Variants in SINHCAF observed in about 807,000 individuals in gnomAD.
The protein encoded by SINHCAF is SIN3-HDAC complex-associated factor.
SINHCAF carries 3 observed loss-of-function variants against 25.8 expected under a neutral mutation model. The observed-to-expected ratio is 0.12, with a 90% confidence interval of 0.05 to 0.30. The LOEUF is 0.30. SINHCAF is among the 10% of genes least tolerant of loss of function. The pLI is 1.00. For synonymous variants in SINHCAF, 70 were observed against 85.5 expected (o/e 0.82, Z 1.00); for missense variants, 121 against 262.3 (o/e 0.46, Z 3.72).
Position 31,287,711 on chromosome 12 carries a change from G to C in SINHCAF, c.429C>G (p.Asp143Glu). ...QSPCYSNQSD[D>E]GSDTEMASGS... ...CAGAAGCCATCTCTGTATCTGAGCC[G>C]TCATCTGACTGGTTACTGTAACAAG... Residue 143 changes from aspartate to glutamate, a missense_variant, in exon 5 of 6, where the codon GAC becomes GAG. By Grantham distance (45) the Asp-to-Glu change is conservative. Transcript: ENST00000337682. The C allele has an allele frequency of 6.2e-7, 1 of 1,610,734 alleles. No homozygotes were observed.
chr12:31,302,807 T>C (rs988936121), intron 1 of SINHCAF: 6 of 390,078 alleles, frequency 1.5e-5, no homozygotes, highest in East Asian at 1.6e-4. Flanking sequence ...GGAAGGATGA[T>C]TGATTCCATC....
rs764376961 is a variant in SINHCAF, at chr12:31,310,532, C to T, written c.-20-12308G>A. 4.8e-4 allele frequency among the ~76,000 whole-genome samples: 73 copies of T among 152,268 alleles called. 1 individual carries two copies. The highest frequency in any genetic ancestry group is 3.5e-3 in the South Asian group (17 of 4,814). Reference sequence around the variant, plus strand: ...AGAAGAGTTCTTAGGACCAAGACTTCCTAGCCTGGGAGTTTTAAGAGGTTA... The same window carrying T: ...AGAAGAGTTCTTAGGACCAAGACTTTCTAGCCTGGGAGTTTTAAGAGGTTA... On this transcript the variant is annotated intron_variant, in intron 1 of 5. Transcript: ENST00000337682.
intron 1 of SINHCAF, among the ~76,000 whole-genome samples, chr12:31,300,387 T>G (rs1368293801): frequency 6.6e-6 from 1 of 152,182 alleles, no homozygotes; most frequent in Admixed American, 6.5e-5. Context: ...CAGAAGGCCT[T>G]CATGCATTTC....
intron 1 of SINHCAF, among the ~76,000 whole-genome samples, chr12:31,318,366 T>G (rs76844182): frequency 0.018 from 2,669 of 152,272 alleles, 51 homozygotes; most frequent in African/African-American, 0.043. Flanking sequence ...CTGTCTAGAA[T>G]AAAACTGAGA....
At chr12:31,312,623 G>A (rs1334809390) in intron 1 of SINHCAF, among the ~76,000 whole-genome samples, 1 of 152,082 alleles carries the variant, frequency 6.6e-6, no homozygotes, top group Non-Finnish European at 1.5e-5. Context: ...GAACTTATTG[G>A]CCATTTAGGT....
chr12:31,291,398 G>A (rs1275747324), intron 4 of SINHCAF, among the ~76,000 whole-genome samples: 1 of 152,208 alleles, frequency 6.6e-6, no homozygotes, highest in African/African-American at 2.4e-5. Flanking sequence ...CTAGTGACAA[G>A]AGCTGATATT....
At chr12:31,289,256 T>C (rs1249483392) in intron 4 of SINHCAF, among the ~76,000 whole-genome samples, 1 of 152,144 alleles carries the variant, frequency 6.6e-6, no homozygotes, top group African/African-American at 2.4e-5. Context: ...TCAAATATAG[T>C]GGCTGAAAAC....
At chr12:31,312,349 A>G (rs1939305496) in intron 1 of SINHCAF, among the ~76,000 whole-genome samples, 1 of 151,690 alleles carries the variant, frequency 6.6e-6, no homozygotes, top group African/African-American at 2.4e-5. Context: ...ACATTGTTTT[A>G]CGTATTTTGT....
chr12:31,285,440 C>CACACACACAT (rs1283336579), intron 5 of SINHCAF, among the ~76,000 whole-genome samples: 1 of 151,564 alleles, frequency 6.6e-6, no homozygotes, highest in East Asian at 1.9e-4. Flanking sequence ...CACACACACA[C>CACACACACAT]ACACACACAC....
At chr12:31,300,903 G>A (rs1170598341) in intron 1 of SINHCAF, among the ~76,000 whole-genome samples, 1 of 152,100 alleles carries the variant, frequency 6.6e-6, no homozygotes, top group Non-Finnish European at 1.5e-5. Flanking sequence ...TTCTCAGCAA[G>A]GACAAAAGAA....
In SINHCAF at chr12:31,299,833, T is replaced by C. The variant is rs917035866; in HGVS notation, c.-20-1609A>G. 4.6e-5 allele frequency among the ~76,000 whole-genome samples: 7 copies of C among 152,286 alleles called. No individual in the cohort carries two copies. The East Asian group carries it at 1.3e-3, about 29-fold the overall frequency. ...GTCCTCACATAAACCAAGATGGCAA[T>C]AGCCTACAACACCCCTAGGCTATAT... On this transcript the variant is annotated intron_variant, in intron 1 of 5. Coordinates refer to ENST00000337682, the MANE Select transcript of SINHCAF (RefSeq NM_001135812.2).
chr12:31,323,697 C>G (rs920741537), intron 1 of SINHCAF, among the ~76,000 whole-genome samples: 1 of 152,150 alleles, frequency 6.6e-6, no homozygotes, highest in African/African-American at 2.4e-5. Flanking sequence ...CCCGCTCCCC[C>G]CACCCCCTAG....
intron 3 of SINHCAF, 44 bp from the exon 4 acceptor site, chr12:31,293,975 AC>A: frequency 1.3e-6 from 2 of 1,513,784 alleles, no homozygotes; most frequent in Non-Finnish European, 1.8e-6. Flanking sequence ...TTAAAATGAC[AC>A]CAGTGTATCC....
At position 31,324,675 on chromosome 12, in the gene SINHCAF, G is replaced by T. The variant is rs1428740128; in HGVS notation, c.-21+1349C>A. On this transcript the variant is annotated intron_variant, in intron 1 of 5. Transcript: ENST00000337682. This position sits in a 1 kb window ranked among gnomAD's most constrained non-coding sequence, Gnocchi z 5.5. ...CCCTTTGTTTTCTGTCCAGCCGGGC[G>T]CTGCCTACGTGCAGCATCAGGGATG... 5 of 318,390 alleles carry T rather than the reference G, an allele frequency of 1.6e-5. No homozygotes were observed. The Admixed American group carries it at 2.3e-4, about 15-fold the overall frequency. 19.7% of individuals were successfully genotyped at this position (318,390 alleles called of 1,614,324 possible).
chr12:31,310,320 G>A (rs1318700323), intron 1 of SINHCAF, among the ~76,000 whole-genome samples: 1 of 152,158 alleles, frequency 6.6e-6, no homozygotes. Flanking sequence ...TGATACAGGA[G>A]CTCCTGTGCC....
chr12:31,308,964 C>A (rs1166665497), intron 1 of SINHCAF, among the ~76,000 whole-genome samples: 1 of 151,620 alleles, frequency 6.6e-6, no homozygotes, highest in Non-Finnish European at 1.5e-5. Context: ...CCCGTCTCTA[C>A]TAAAAATACA....
intron 1 of SINHCAF, among the ~76,000 whole-genome samples, chr12:31,317,065 A>G (rs1939522690): frequency 6.6e-6 from 1 of 152,194 alleles, no homozygotes; most frequent in African/African-American, 2.4e-5. Context: ...TATATTCAGA[A>G]GTAAAGCGTT....
intron 1 of SINHCAF, among the ~76,000 whole-genome samples, chr12:31,317,576 G>C (rs1388387093): frequency 6.6e-6 from 1 of 151,260 alleles, no homozygotes; most frequent in East Asian, 1.9e-4. Context: ...AGGAGTACAA[G>C]CATAAAAGAA....
At chr12:31,283,458 C>T (rs1181679219) in intron 5 of SINHCAF, among the ~76,000 whole-genome samples, 1 of 151,990 alleles carries the variant, frequency 6.6e-6, no homozygotes, top group Non-Finnish European at 1.5e-5. Flanking sequence ...CAAAAATTAG[C>T]CAGGCGTGGT....
Sources: gnomAD v4.1 joint callset for allele counts (sites outside exome capture counted in the v4.1 genomes callset) on GRCh38, gnomAD v4.1.1 for gene constraint, Gnocchi (gnomAD v3.1) non-coding constraint, MANE v1.5 for transcripts, NCBI Gene and HGNC (gene_info 2026-07-23, HGNC 2026-07-21) for gene names.